GULP1: variants seen among roughly 807,000 people sequenced by gnomAD.
GULP1 encodes the protein GULP PTB domain containing engulfment adaptor 1.
GULP1 carries 19 observed loss-of-function variants against 40.9 expected under a neutral mutation model. The ratio of observed to expected loss-of-function variants is 0.46; its 90% CI spans 0.32 to 0.68. The LOEUF (loss-of-function observed/expected upper bound fraction) is 0.68, where lower values mean the gene tolerates loss of function less well. Among genes scored for constraint, GULP1 ranks in the 30% least tolerant of loss-of-function variants. GULP1 has a pLI of 0.03. For missense variants in GULP1, 312 were observed against 362.2 expected (o/e 0.86, Z 1.12); for synonymous variants, 119 against 117.6 (o/e 1.01, Z -0.08).
intron 9 of GULP1, among the ~76,000 whole-genome samples, chr2:188,578,069 A>T (rs1434704723): frequency 6.6e-6 from 1 of 151,920 alleles, no homozygotes; most frequent in South Asian, 2.1e-4. Context: ...ATTGTGATAA[A>T]TTATATTTTA....
At chr2:188,434,179 T>C (rs1459065355) in intron 2 of GULP1, among the ~76,000 whole-genome samples, 2 of 152,018 alleles carry the variant, frequency 1.3e-5, no homozygotes, top group African/African-American at 4.8e-5. Context: ...TGCTCCAAAA[T>C]CACCTTTTAT....
At chr2:188,364,330 G>A (rs1315498735) in intron 1 of GULP1, among the ~76,000 whole-genome samples, 1 of 152,204 alleles carries the variant, frequency 6.6e-6, no homozygotes, top group African/African-American at 2.4e-5. Context: ...AAGGAGGTCT[G>A]TGGAGAGAAT....
chr2:188,582,318 C>T (rs1442618042), intron 9 of GULP1: 1 of 468,824 alleles, frequency 2.1e-6, no homozygotes, highest in Admixed American at 2.4e-5. Context: ...TAGGATATTT[C>T]TTTTTCTGTC....
At chr2:188,569,118 C>T in intron 7 of GULP1, 121 bp from the exon 8 acceptor site, 1 of 635,244 alleles carries the variant, frequency 1.6e-6, no homozygotes, top group Non-Finnish European at 2.9e-6. Flanking sequence ...CCAACTGTTG[C>T]CCTTTTGAAG....
intron 1 of GULP1, among the ~76,000 whole-genome samples, chr2:188,351,341 A>G (rs1442545655): frequency 1.3e-5 from 2 of 152,058 alleles, no homozygotes; most frequent in Non-Finnish European, 2.9e-5. Flanking sequence ...GACTTGTTCA[A>G]TGTCCCAAAG....
chr2:188,408,985 G>C (rs1158379604), intron 2 of GULP1, among the ~76,000 whole-genome samples: 1 of 152,086 alleles, frequency 6.6e-6, no homozygotes, highest in African/African-American at 2.4e-5. Flanking sequence ...ATGGATTGTA[G>C]CAAAACAGTT....
chr2:188,480,603 C>A (rs1350333106), intron 3 of GULP1, among the ~76,000 whole-genome samples: 1 of 151,796 alleles, frequency 6.6e-6, no homozygotes, highest in Non-Finnish European at 1.5e-5. Flanking sequence ...TCATTTTGAG[C>A]TCTTTTGAAA....
chr2:188,594,320 G>A lies in GULP1; in HGVS notation c.*309G>A. The stretch of plus-strand genomic sequence containing the variant: ...CTGAGTTCTATTTAGTTAGCATCTT[G>A]AAATTTGTATTCATTTTCCAGATGG... On this transcript the variant is annotated 3_prime_UTR_variant, in exon 12 of 12. Transcript: ENST00000409830. 1 of 184,984 alleles carries A rather than the reference G, an allele frequency of 5.4e-6. No homozygotes were observed. Among genetic ancestry groups the A allele is most frequent in the East Asian group, 1.3e-4 (1 of 7,948 alleles). 11.5% of individuals were successfully genotyped at this position (184,984 alleles called of 1,614,324 possible). A position where few individuals can be genotyped will look rare whatever the true frequency, so the allele number is the denominator to read the frequency against.
chr2:188,306,930 G>A (rs1352476000), intron 1 of GULP1, among the ~76,000 whole-genome samples: 1 of 152,306 alleles, frequency 6.6e-6, no homozygotes, highest in East Asian at 1.9e-4. Context: ...TGTACTTTTT[G>A]TGTATTTGAT....
intron 6 of GULP1, among the ~76,000 whole-genome samples, chr2:188,534,833 C>A (rs1342643870): frequency 6.6e-6 from 1 of 151,984 alleles, no homozygotes; most frequent in Non-Finnish European, 1.5e-5. Context: ...ATCAAATCTG[C>A]ATGCTTCTCC....
chr2:188,429,641 G>C (rs2056623063), intron 2 of GULP1, among the ~76,000 whole-genome samples: 1 of 152,142 alleles, frequency 6.6e-6, no homozygotes, highest in African/African-American at 2.4e-5. Flanking sequence ...TGGAGCTGGA[G>C]AGAATTTTTT....
intron 2 of GULP1, among the ~76,000 whole-genome samples, chr2:188,388,308 C>T (rs1195450963): frequency 1.3e-5 from 2 of 149,454 alleles, no homozygotes; most frequent in Non-Finnish European, 3.0e-5. Context: ...GCAGGTGGAT[C>T]GCTTGAGGAC....
At chr2:188,580,484 C>T (rs1016424249) in intron 9 of GULP1, among the ~76,000 whole-genome samples, 3 of 147,160 alleles carry the variant, frequency 2.0e-5, no homozygotes, top group Non-Finnish European at 3.0e-5. Context: ...ACCCGGGAGG[C>T]GGAGCTTGCA....
intron 1 of GULP1, among the ~76,000 whole-genome samples, chr2:188,320,605 CAT>C (rs1182687199): frequency 1.3e-5 from 2 of 151,990 alleles, no homozygotes; most frequent in African/African-American, 4.8e-5. Context: ...AACATATAAA[CAT>C]ATTTTCTGAG....
intron 5 of GULP1, among the ~76,000 whole-genome samples, chr2:188,524,751 AAG>A (rs927841515): frequency 3.1e-4 from 47 of 151,776 alleles, no homozygotes; most frequent in African/African-American, 1.1e-3. Context: ...AAAGAGAAAA[AAG>A]AACCTTGCTC....
At chr2:188,590,124 T>G in intron 11 of GULP1, 22 of 153,652 alleles carry the variant, frequency 1.4e-4, no homozygotes, top group East Asian at 3.8e-4. Context: ...AAGTGTGCAC[T>G]ACCACGCGTG....
chr2:188,303,661 G>A (rs759120899), intron 1 of GULP1, among the ~76,000 whole-genome samples: 1 of 152,174 alleles, frequency 6.6e-6, no homozygotes, highest in Non-Finnish European at 1.5e-5. Flanking sequence ...GGGAAACATA[G>A]CCAATAACTG....
At chr2:188,555,184 A>C (rs1258255367) in intron 7 of GULP1, among the ~76,000 whole-genome samples, 1 of 151,896 alleles carries the variant, frequency 6.6e-6, no homozygotes, top group Non-Finnish European at 1.5e-5. Context: ...TCATATTGTT[A>C]ATTGTTTTCT....
chr2:188,381,414 T>C (rs1051006169), intron 1 of GULP1, among the ~76,000 whole-genome samples: 4 of 152,112 alleles, frequency 2.6e-5, no homozygotes, highest in African/African-American at 9.7e-5. Flanking sequence ...TTAAATTGAA[T>C]TGACCATTTC....
Sources: gnomAD v4.1 joint callset for allele counts (sites outside exome capture counted in the v4.1 genomes callset) on GRCh38, gnomAD v4.1.1 for gene constraint, MANE v1.5 for transcripts, NCBI Gene and HGNC (gene_info 2026-07-23, HGNC 2026-07-21) for gene names.